STPG2: variants seen among roughly 807,000 people sequenced by gnomAD.
STPG2 encodes sperm tail PG-rich repeat containing 2.
In STPG2, 56 loss-of-function variants were observed where a neutral mutation model predicts 54.2. The ratio of observed to expected loss-of-function variants is 1.03; its 90% CI spans 0.83 to 1.29. The LOEUF (loss-of-function observed/expected upper bound fraction) is 1.29. Ranked by LOEUF, STPG2 falls within the 50% of genes most tolerant of loss-of-function variation. The probability of loss-of-function intolerance (pLI) is 0.00; values close to 1 mark genes in which losing one functional copy is unlikely to be tolerated. For missense variants in STPG2, 596 were observed against 544.9 expected, an observed-to-expected ratio of 1.09 and a Z score of -0.93; for synonymous variants, 200 against 181.8, an observed-to-expected ratio of 1.10 and a Z score of -0.81.
At chr4:98,104,128 G>A (rs1165074502) in intron 5 of STPG2, among the ~76,000 whole-genome samples, 1 of 151,974 alleles carries the variant, frequency 6.6e-6, no homozygotes, top group African/African-American at 2.4e-5. Context: ...ACAAACACAT[G>A]CAAACATGCA....
chr4:97,895,617 T>C (rs1222698412), intron 8 of STPG2, among the ~76,000 whole-genome samples: 1 of 151,856 alleles, frequency 6.6e-6, no homozygotes, highest in Non-Finnish European at 1.5e-5. Flanking sequence ...ACCTAGATTT[T>C]ACATGCTGGC....
chr4:97,545,578 CAA>C (rs1731818015), intron 4 of STPG2, among the ~76,000 whole-genome samples: 1 of 152,034 alleles, frequency 6.6e-6, no homozygotes, highest in South Asian at 2.1e-4. Context: ...CCTCAGAAAG[CAA>C]AGAGGTTAAT....
chr4:97,445,562 C>CT (rs1194080191), intron 4 of STPG2, among the ~76,000 whole-genome samples: 1 of 152,066 alleles, frequency 6.6e-6, no homozygotes, highest in African/African-American at 2.4e-5. Flanking sequence ...ATATTTTACA[C>CT]TTTTTTCTAA....
chr4:97,959,149 G>A (rs889849173), intron 7 of STPG2, among the ~76,000 whole-genome samples: 2 of 151,948 alleles, frequency 1.3e-5, no homozygotes, highest in African/African-American at 4.8e-5. Flanking sequence ...AAATCAAGAT[G>A]GAAATTAAAA....
chr4:97,928,614 G>C (rs1732423894), intron 8 of STPG2, among the ~76,000 whole-genome samples: 1 of 152,078 alleles, frequency 6.6e-6, no homozygotes, highest in Non-Finnish European at 1.5e-5. Context: ...AGGTCTTTAA[G>C]GGATTTTTGT....
At chr4:97,723,780 G>C (rs1311603504) in intron 9 of STPG2, among the ~76,000 whole-genome samples, 1 of 152,166 alleles carries the variant, frequency 6.6e-6, no homozygotes, top group Non-Finnish European at 1.5e-5. Context: ...ACTTCTTCAC[G>C]AGGCAGTAGG....
At chr4:97,944,729 A>G (rs1733134940) in intron 7 of STPG2, among the ~76,000 whole-genome samples, 1 of 152,170 alleles carries the variant, frequency 6.6e-6, no homozygotes, top group Non-Finnish European at 1.5e-5. Context: ...TTTGACACAT[A>G]GTAGCTAATA....
chr4:97,913,221 T>A (rs918996369), intron 8 of STPG2, among the ~76,000 whole-genome samples: 1 of 152,210 alleles, frequency 6.6e-6, no homozygotes. Flanking sequence ...CTATTTTTCT[T>A]CATCTTTATC....
At chr4:97,714,128 G>T (rs1382927801) in intron 9 of STPG2, among the ~76,000 whole-genome samples, 3 of 151,974 alleles carry the variant, frequency 2.0e-5, no homozygotes, top group Admixed American at 6.6e-5. Flanking sequence ...TAGATATAAT[G>T]ATATTAATAA....
intron 8 of STPG2, among the ~76,000 whole-genome samples, chr4:97,912,147 A>C (rs916382288): frequency 1.3e-5 from 2 of 152,034 alleles, no homozygotes; most frequent in South Asian, 4.2e-4. Flanking sequence ...AACACCCTAC[A>C]AAAAAAACAT....
intron 3 of STPG2, among the ~76,000 whole-genome samples, chr4:98,116,883 A>G (rs900757849): frequency 2.0e-5 from 3 of 152,014 alleles, no homozygotes; most frequent in African/African-American, 7.2e-5. Flanking sequence ...ATAGCATGAA[A>G]CAATCCATTA....
chr4:97,885,133 T>C (rs1184028052), intron 8 of STPG2, among the ~76,000 whole-genome samples: 1 of 151,654 alleles, frequency 6.6e-6, no homozygotes, highest in Non-Finnish European at 1.5e-5. Flanking sequence ...CTTATATCAA[T>C]GTGGGAAAGT....
intron 10 of STPG2, among the ~76,000 whole-genome samples, chr4:97,613,189 T>A (rs1265605636): frequency 6.6e-6 from 1 of 152,088 alleles, no homozygotes; most frequent in East Asian, 1.9e-4. Context: ...TAATCCAGAA[T>A]ATAACAGTGC....
At chr4:97,521,047 A>C (rs1731170299) in intron 4 of STPG2, among the ~76,000 whole-genome samples, 1 of 152,038 alleles carries the variant, frequency 6.6e-6, no homozygotes, top group South Asian at 2.1e-4. Context: ...AATGTTCCAC[A>C]TGTGATGTTA....
At chr4:97,574,776 A>G (rs923231597) in intron 10 of STPG2, among the ~76,000 whole-genome samples, 1 of 152,076 alleles carries the variant, frequency 6.6e-6, no homozygotes, top group African/African-American at 2.4e-5. Context: ...TTTCGGGTTA[A>G]ATGATTAAGT....
chr4:97,673,311 T>A (rs1722750270), intron 10 of STPG2, among the ~76,000 whole-genome samples: 1 of 152,188 alleles, frequency 6.6e-6, no homozygotes, highest in Admixed American at 6.5e-5. Context: ...ATAGAGAATA[T>A]TTATGGGTTC....
chr4:97,559,768 T>C (rs1005839492), intron 10 of STPG2, among the ~76,000 whole-genome samples: 5 of 152,226 alleles, frequency 3.3e-5, no homozygotes, highest in Non-Finnish European at 1.5e-5. Context: ...CTAAGTTATC[T>C]TACCTGTAAG....
intron 5 of STPG2, among the ~76,000 whole-genome samples, chr4:98,039,078 T>C (rs948115357): frequency 5.9e-5 from 9 of 152,020 alleles, no homozygotes; most frequent in African/African-American, 2.2e-4. Context: ...TAATAGCTAA[T>C]AAAGTTGAAA....
intron 9 of STPG2, among the ~76,000 whole-genome samples, chr4:97,757,010 G>A (rs1725750868): frequency 6.6e-6 from 1 of 152,106 alleles, no homozygotes; most frequent in African/African-American, 2.4e-5. Flanking sequence ...CACCAATCAT[G>A]TGTAAGAGGC....
Sources: gnomAD v4.1 joint callset for allele counts (sites outside exome capture counted in the v4.1 genomes callset) on GRCh38, gnomAD v4.1.1 for gene constraint, MANE v1.5 for transcripts, NCBI Gene and HGNC (gene_info 2026-07-23, HGNC 2026-07-21) for gene names.